The following RGS7 variants were observed in gnomAD, a reference collection of about 807,000 sequenced individuals.
RGS7 encodes regulator of G protein signaling 7.
RGS7 carries 27 observed loss-of-function variants against 81.1 expected under a neutral mutation model. The observed-to-expected ratio is 0.33, with a 90% CI of 0.25 to 0.46. RGS7 has a LOEUF of 0.46. RGS7 is among the 20% of genes least tolerant of loss of function. The probability of loss-of-function intolerance (pLI) is 1.00; values close to 1 mark genes in which losing one functional copy is unlikely to be tolerated. For synonymous variants in RGS7, 208 were observed against 207.7 expected (o/e 1.00, Z -0.01); for missense variants, 396 against 607.4 (o/e 0.65, Z 3.66).
At position 240,999,884 on chromosome 1, in the gene RGS7, T is replaced by A. The variant is rs937466035; in HGVS notation, c.176-16755A>T. 5.3e-5 allele frequency among the ~76,000 whole-genome samples: 8 copies of A among 152,290 alleles called. No individual in the cohort carries two copies. The East Asian group carries it at 1.5e-3, about 29-fold the overall frequency. On this transcript the variant is annotated intron_variant, in intron 3 of 18. Coordinates refer to ENST00000440928, the MANE Select transcript of RGS7 (RefSeq NM_001364886.1). ...TATCAAAGTGCTGCGACTACAGGCG[T>A]GAGCCACTGAGCCTGGCCTGATGAA... is the stretch of plus-strand genomic sequence containing the variant.
At chr1:241,190,069 C>CCGCAG (rs2072510616) in intron 2 of RGS7, among the ~76,000 whole-genome samples, 1 of 151,944 alleles carries the variant, frequency 6.6e-6, no homozygotes, top group African/African-American at 2.4e-5. Flanking sequence ...CGCCACTGCA[C>CCGCAG]TCCAGCCTGG....
At chr1:240,920,002 A>G (rs145185138) in intron 6 of RGS7, 58,267 of 1,299,022 alleles carry the variant, frequency 0.045, 1,490 homozygotes, top group Middle Eastern at 0.077. Context: ...GACACAGAAG[A>G]ACATCACCTA....
chr1:241,132,206 G>A (rs2067147113), intron 2 of RGS7: 1 of 154,680 alleles, frequency 6.5e-6, no homozygotes, highest in Non-Finnish European at 1.5e-5. Context: ...AAATGTAAAA[G>A]AACTGTGCAG....
At chr1:241,210,359 A>G (rs1385277085) in intron 2 of RGS7, among the ~76,000 whole-genome samples, 1 of 152,160 alleles carries the variant, frequency 6.6e-6, no homozygotes, top group Non-Finnish European at 1.5e-5. Context: ...CAAGTTGGCC[A>G]GGCTGGTCTC....
At chr1:241,008,038 C>A (rs1005439584) in intron 3 of RGS7, among the ~76,000 whole-genome samples, 6 of 152,122 alleles carry the variant, frequency 3.9e-5, no homozygotes, top group Admixed American at 6.5e-5. Context: ...GCAAATTCTG[C>A]CTTTTCTGCC....
At chr1:241,011,572 G>T (rs185051530) in intron 3 of RGS7, among the ~76,000 whole-genome samples, 4 of 152,280 alleles carry the variant, frequency 2.6e-5, no homozygotes, top group African/African-American at 7.2e-5. Flanking sequence ...TCCATCTTGA[G>T]TAAGGGCTAG....
At chr1:240,951,850 C>A (rs261845) in intron 4 of RGS7, among the ~76,000 whole-genome samples, 146,970 of 152,238 alleles carry the variant, frequency 0.97, 71,048 homozygotes, top group East Asian at 0.99. Flanking sequence ...CTTATTCTAA[C>A]TGCAGAAAAT....
intron 3 of RGS7, 90 bp from the exon 4 acceptor site, chr1:240,983,219 A>G (rs913069988): frequency 4.4e-6 from 3 of 679,458 alleles, no homozygotes; most frequent in South Asian, 2.0e-5. Flanking sequence ...TGGTGCTCAT[A>G]TTAGAAGGAA....
At chr1:240,971,369 C>T (rs925679895) in intron 4 of RGS7, among the ~76,000 whole-genome samples, 3 of 152,158 alleles carry the variant, frequency 2.0e-5, no homozygotes, top group African/African-American at 7.2e-5. Context: ...AGATAGGGTA[C>T]CAACAGAATA....
chr1:240,933,086 G>A (rs559863402), intron 5 of RGS7, among the ~76,000 whole-genome samples: 5 of 149,960 alleles, frequency 3.3e-5, no homozygotes, highest in Non-Finnish European at 7.4e-5. Flanking sequence ...GTTTCACCGT[G>A]TTAGCCAGGA....
chr1:240,920,447 C>G, intron 6 of RGS7: 1 of 1,132,926 alleles, frequency 8.8e-7, no homozygotes, highest in Non-Finnish European at 1.3e-6. Context: ...TTGGCAATTA[C>G]AACAATCAAT....
At chr1:240,804,843 A>G (rs1287002108) in intron 15 of RGS7, among the ~76,000 whole-genome samples, 1 of 152,198 alleles carries the variant, frequency 6.6e-6, no homozygotes, top group Non-Finnish European at 1.5e-5. Flanking sequence ...AGCTGTTAAA[A>G]TTCATGTTAG....
chr1:241,263,519 C>T (rs905319982), intron 2 of RGS7, among the ~76,000 whole-genome samples: 4 of 152,064 alleles, frequency 2.6e-5, no homozygotes, highest in Non-Finnish European at 5.9e-5. Context: ...AACAGGTGGA[C>T]CTGTGTGGAA....
rs777839011 is a variant in RGS7, at chr1:240,793,586, A to AATATATATATATAT, written c.*6+7041_*6+7054dup. Among the ~76,000 whole-genome samples, 50 of 102,294 alleles carry AATATATATATATAT rather than the reference A, an allele frequency of 4.9e-4. 2 individuals carry two copies. The highest frequency in any genetic ancestry group is 2.7e-3 in the African/African-American group (44 of 16,016). 67.1% of individuals were successfully genotyped at this position (102,294 alleles called of 152,430 possible). On this transcript the variant is annotated intron_variant, in intron 18 of 18. Transcript: ENST00000440928. ...TTATTTTCACTGAAGGTGTAGTAGG[A>AATATATATATATAT]ATATATATATATATATATATATATA...
At chr1:241,083,014 C>T (rs1020319584) in intron 3 of RGS7, among the ~76,000 whole-genome samples, 2 of 152,046 alleles carry the variant, frequency 1.3e-5, no homozygotes, top group African/African-American at 4.8e-5. Flanking sequence ...CACTTGAGGT[C>T]AGGAGTTCAA....
intron 6 of RGS7, among the ~76,000 whole-genome samples, chr1:240,913,251 G>A (rs190716895): frequency 2.0e-5 from 3 of 152,284 alleles, no homozygotes; most frequent in Admixed American, 6.5e-5. Context: ...TATGCATGAT[G>A]TAAGTATGCA....
intron 9 of RGS7, among the ~76,000 whole-genome samples, chr1:240,834,210 G>A (rs1219091364): frequency 3.3e-5 from 5 of 152,136 alleles, no homozygotes; most frequent in African/African-American, 1.2e-4. Flanking sequence ...TAAGTCCTAC[G>A]CACAAACTGA....
At chr1:240,931,597 A>G (rs1359019030) in intron 5 of RGS7, among the ~76,000 whole-genome samples, 2 of 152,180 alleles carry the variant, frequency 1.3e-5, no homozygotes, top group Admixed American at 6.5e-5. Flanking sequence ...TAAAATTTAA[A>G]TTAAAAAAAC....
chr1:241,125,449 C>A (rs1477497838), intron 2 of RGS7, among the ~76,000 whole-genome samples: 2 of 152,018 alleles, frequency 1.3e-5, no homozygotes, highest in Admixed American at 6.6e-5. Flanking sequence ...CACACACACA[C>A]ACACACGCTG....
Sources: gnomAD v4.1 joint callset for allele counts (sites outside exome capture counted in the v4.1 genomes callset) on GRCh38, gnomAD v4.1.1 for gene constraint, MANE v1.5 for transcripts, NCBI Gene and HGNC (gene_info 2026-07-23, HGNC 2026-07-21) for gene names.